The following KRTAP10-1 variants were observed in gnomAD, a reference collection of about 807,000 sequenced individuals.
KRTAP10-1 encodes keratin-associated protein 10-1.
For synonymous variants in KRTAP10-1, 155 were observed against 153.3 expected (o/e 1.01, Z -0.08); for missense variants, 364 against 369.2 (o/e 0.99, Z 0.12).
At position 44,539,012 on chromosome 21, in the gene KRTAP10-1, A is replaced by G; in HGVS notation, c.*290T>C. On this transcript the variant is annotated 3_prime_UTR_variant, in exon 1 of 1. Transcript: ENST00000400375. ...GACCAAGGAGAGTTTATTGGGGAGCAGGAGGAGGTGCTGAGAGGTTCAAGT... is the reference window on the plus strand; with the variant it reads ...GACCAAGGAGAGTTTATTGGGGAGCGGGAGGAGGTGCTGAGAGGTTCAAGT... 1.8e-6 allele frequency: 1 copy of G among 565,656 alleles called. No homozygotes were observed. The highest frequency in any genetic ancestry group is 3.1e-6 in the Non-Finnish European group (1 of 318,534). The allele number at this position is 565,656 out of a possible 1,614,324, so 35.0% of individuals were successfully genotyped here.
rs587620839 is a variant in KRTAP10-1, at chr21:44,539,225, C to T, written c.*77G>A. 6.2e-5 allele frequency: 96 copies of T among 1,559,522 alleles called. No homozygotes were observed. Among genetic ancestry groups the T allele is most frequent in the Non-Finnish European group, 7.9e-5 (91 of 1,157,902 alleles). ...GTCCTAGGTGGGGGAAGCCACCTAA[C>T]CCAGGTCAGGAACTGAGCCCAGCTG... On this transcript the variant is annotated 3_prime_UTR_variant, in exon 1 of 1. Coordinates refer to ENST00000400375, the MANE Select transcript of KRTAP10-1 (RefSeq NM_198691.3).
chr21:44,539,736 G>A lies in KRTAP10-1; in HGVS notation c.415C>T (p.Gln139Ter). Residue 139 changes from glutamine to a stop codon, truncating the protein, a stop_gained, in exon 1 of 1, where the codon CAG (glutamine) becomes TAG (stop). Coordinates refer to ENST00000400375, the MANE Select transcript of KRTAP10-1 (RefSeq NM_198691.3). LOFTEE classifies it low-confidence loss of function (END_TRUNC). Reference sequence around the variant, plus strand: ...CAGCAAACAGGCACACAGCAGGACTGCTGGCTGGAGGAAGAGGCACAGCAA... The same window carrying A: ...CAGCAAACAGGCACACAGCAGGACTACTGGCTGGAGGAAGAGGCACAGCAA... ...PTCCASSSSQ[Q>*]SCCVPVCCKP... 3 of 1,612,598 alleles carry A rather than the reference G, an allele frequency of 1.9e-6. No individual in the cohort carries two copies. Among genetic ancestry groups the A allele is most frequent in the Non-Finnish European group, 2.5e-6 (3 of 1,179,358 alleles).
chr21:44,539,679 C>G lies in KRTAP10-1; in HGVS notation c.472G>C (p.Glu158Gln). The G allele has an allele frequency of 6.3e-7, 1 of 1,589,214 alleles. No individual in the cohort carries two copies. Among genetic ancestry groups the G allele is most frequent in the East Asian group, 2.3e-5 (1 of 43,858 alleles). ...TGCTGGCAGCATGAAGAGGAATCCTCAGAGCAGGTGGGCACATAGCACACA... is the reference window on the plus strand; with the variant it reads ...TGCTGGCAGCATGAAGAGGAATCCTGAGAGCAGGTGGGCACATAGCACACA... ...KPVCYVPTCSEDSSSCCQQSS... is the reference protein window; with the variant it reads ...KPVCYVPTCSQDSSSCCQQSS... Residue 158 changes from glutamate to glutamine, a missense_variant, in exon 1 of 1, where the codon GAG becomes CAG. Physicochemically the swap from Glu to Gln is conservative, Grantham distance 29. Coordinates refer to ENST00000400375, the MANE Select transcript of KRTAP10-1 (RefSeq NM_198691.3).
In KRTAP10-1 at chr21:44,539,795, G is replaced by C. The variant is rs781952477; in HGVS notation, c.356C>G (p.Ser119Cys). The change falls in exon 1 of 1, where the codon TCT becomes TGT. Residue 119 changes from serine (S) to cysteine (C), a missense_variant. Coordinates refer to ENST00000400375, the MANE Select transcript of KRTAP10-1 (RefSeq NM_198691.3). ...GCAGCTAGACTGCTGGCAGCATGAA[G>C]AGGAATCCTTAGAGCAGGTGGGCAG... ...CCLPTCSKDS[S>C]SCCQQSSCQP... is the part of the protein sequence containing the mutation. 1.4e-5 allele frequency: 22 copies of C among 1,612,808 alleles called. No homozygotes were observed. Among genetic ancestry groups the C allele is most frequent in the Non-Finnish European group, 1.9e-5 (22 of 1,179,702 alleles).
In KRTAP10-1 at chr21:44,539,617, G is replaced by A. The variant is rs781927667; in HGVS notation, c.534C>T (p.Pro178=). The A allele has an allele frequency of 6.2e-7, 1 of 1,613,856 alleles. No individual in the cohort carries two copies. The highest frequency in any genetic ancestry group is 8.5e-7 in the Non-Finnish European group (1 of 1,179,928). ...CGGGCACGCAGCAGGCCTGCTGGCA[G>A]GGGGAGGAGGTGCAGCAAGCTGGAT... ...SCHPACCTSS[P]CQQACCVPVR... is the part of the protein sequence containing the mutation. The change falls in exon 1 of 1, where the codon CCC becomes CCT. Residue 178 remains proline, a synonymous_variant. Coordinates refer to ENST00000400375, the MANE Select transcript of KRTAP10-1 (RefSeq NM_198691.3).
rs587637882 is a variant in KRTAP10-1, at chr21:44,539,200, G to A, written c.*102C>T. 4.2e-5 allele frequency: 64 copies of A among 1,521,476 alleles called. 1 individual carries two copies. Among genetic ancestry groups the A allele is most frequent in the South Asian group, 2.7e-4 (21 of 79,070 alleles). 94.2% of individuals were successfully genotyped at this position (1,521,476 alleles called of 1,614,324 possible). ...CAGCACAGGGGAGACACGGGGACCC[G>A]TCCTAGGTGGGGGAAGCCACCTAAC... On this transcript the variant is annotated 3_prime_UTR_variant, in exon 1 of 1. Coordinates refer to ENST00000400375, the MANE Select transcript of KRTAP10-1 (RefSeq NM_198691.3).
rs368182044 is a variant in KRTAP10-1, at chr21:44,539,316, G to A, written c.835C>T (p.Arg279Cys). The change falls in exon 1 of 1, where the codon CGC becomes TGC. Residue 279 changes from arginine (R) to cysteine (C), a missense_variant. Transcript: ENST00000400375. The stretch of plus-strand genomic sequence containing the variant: ...GAGCAGAGGCCTCAGCAGGCCGGGC[G>A]GGAGCACGCGGGGCGGCAGAGGAGG... ...VSLLCRPACS[R>C]PAC The A allele has an allele frequency of 1.9e-5, 31 of 1,611,042 alleles. No homozygotes were observed. The East Asian group carries it at 3.3e-4, about 17-fold the overall frequency.
At position 44,540,155 on chromosome 21, in the gene KRTAP10-1, G is replaced by T; in HGVS notation, c.-5C>A. On this transcript the variant is annotated 5_prime_UTR_variant, in exon 1 of 1. Transcript: ENST00000400375. Reference sequence around the variant, plus strand: ...GGACATGGTGGACGCGGCCATGCTGGGGTGGGGAGGAGGTGAGCTGCGGGA... The same window carrying T: ...GGACATGGTGGACGCGGCCATGCTGTGGTGGGGAGGAGGTGAGCTGCGGGA... The T allele has an allele frequency of 6.2e-7, 1 of 1,611,722 alleles. No homozygotes were observed. Among genetic ancestry groups the T allele is most frequent in the Non-Finnish European group, 8.5e-7 (1 of 1,178,882 alleles).
rs1555917001 is a variant in KRTAP10-1, at chr21:44,539,954, G to A, written c.197C>T (p.Pro66Leu). Reference sequence around the variant, plus strand: ...GGAGCTGGTGCAGCCTGATTGGCAGGGGCTGGGCTCACAGGCTGCCTGGCA... The same window carrying A: ...GGAGCTGGTGCAGCCTGATTGGCAGAGGCTGGGCTCACAGGCTGCCTGGCA... ...PCCQAACEPSPCQSGCTSSCT... is the reference protein window; with the variant it reads ...PCCQAACEPSLCQSGCTSSCT... The change falls in exon 1 of 1, where the codon CCC (proline) becomes CTC (leucine). Residue 66 changes from proline to leucine, a missense_variant. Coordinates refer to ENST00000400375, the MANE Select transcript of KRTAP10-1 (RefSeq NM_198691.3). 2 of 1,613,546 alleles carry A rather than the reference G, an allele frequency of 1.2e-6. No homozygotes were observed. Among genetic ancestry groups the A allele is most frequent in the Non-Finnish European group, 1.7e-6 (2 of 1,179,954 alleles).
chr21:44,539,260 G>A lies in KRTAP10-1; in HGVS notation c.*42C>T, dbSNP rs201415795. The A allele has an allele frequency of 1.0e-4, 165 of 1,592,032 alleles. No individual in the cohort carries two copies. Among genetic ancestry groups the A allele is most frequent in the Admixed American group, 9.3e-4 (55 of 59,308 alleles). ...GAACTGAGCCCAGCTGGCCCAGGGCGGGTGCCCATCAGCAGCTGGACTCCT... is the reference window on the plus strand; with the variant it reads ...GAACTGAGCCCAGCTGGCCCAGGGCAGGTGCCCATCAGCAGCTGGACTCCT... On this transcript the variant is annotated 3_prime_UTR_variant, in exon 1 of 1. Coordinates refer to ENST00000400375, the MANE Select transcript of KRTAP10-1 (RefSeq NM_198691.3).
Position 44,539,183 on chromosome 21 carries a change from G to A in KRTAP10-1, c.*119C>T. ...AGGAGGGGGGGTCACCTCAGCACAG[G>A]GGAGACACGGGGACCCGTCCTAGGT... On this transcript the variant is annotated 3_prime_UTR_variant, in exon 1 of 1. Transcript: ENST00000400375. 1.4e-6 allele frequency: 2 copies of A among 1,471,534 alleles called. No individual in the cohort carries two copies. Among genetic ancestry groups the A allele is most frequent in the Non-Finnish European group, 1.8e-6 (2 of 1,111,396 alleles). The allele number at this position is 1,471,534 out of a possible 1,614,324, so 91.2% of individuals were successfully genotyped here.
rs1489345438 is a variant in KRTAP10-1, at chr21:44,539,877, A to C, written c.274T>G (p.Ser92Ala). The change falls in exon 1 of 1, where the codon TCC becomes GCC. Residue 92 changes from serine to alanine, a missense_variant. Transcript: ENST00000400375. The part of the protein sequence containing the change: ...QSSCQPACCT[S>A]SPCQQACCVP... ...CAGCAGGCCTGCTGGCAGGGGGAGG[A>C]GGTGCAGCAAGCCGGCTGGCAGCTA... 6.4e-7 allele frequency: 1 copy of C among 1,573,912 alleles called. No homozygotes were observed. Among genetic ancestry groups the C allele is most frequent in the Non-Finnish European group, 8.6e-7 (1 of 1,158,282 alleles).
At position 44,540,191 on chromosome 21, in the gene KRTAP10-1, A is replaced by T; in HGVS notation, c.-41T>A. 1 of 1,597,726 alleles carries T rather than the reference A, an allele frequency of 6.3e-7. No individual in the cohort carries two copies. Among genetic ancestry groups the T allele is most frequent in the Non-Finnish European group, 8.5e-7 (1 of 1,172,342 alleles). ...AGGTGAGCTGCGGGAGGTGTGAGTG[A>T]GTGAGTGTGGGAGTCAGTGTGTGTG... On this transcript the variant is annotated 5_prime_UTR_variant, in exon 1 of 1. Transcript: ENST00000400375.
Position 44,540,108 on chromosome 21 carries a change from C to A in KRTAP10-1, c.43G>T (p.Asp15Tyr), listed in dbSNP as rs782454723. The A allele has an allele frequency of 6.2e-7, 1 of 1,613,672 alleles. No individual in the cohort carries two copies. Among genetic ancestry groups the A allele is most frequent in the Non-Finnish European group, 8.5e-7 (1 of 1,179,914 alleles). ...GGGCAGGCATCCACCTGCCAGGAGT[C>A]GGAGCAAGCGCTGGAGCAGACGGAC... is the stretch of plus-strand genomic sequence containing the variant. ...TMSVCSSACSDSWQVDACPES... is the reference protein window; with the variant it reads ...TMSVCSSACSYSWQVDACPES... The change falls in exon 1 of 1, where the codon GAC (aspartate) becomes TAC (tyrosine). Residue 15 changes from aspartate (D) to tyrosine (Y), a missense_variant. Transcript: ENST00000400375.
rs587694965 is a variant in KRTAP10-1 at position 44,539,211 on chromosome 21, G to A, written c.*91C>T. ...AGACACGGGGACCCGTCCTAGGTGG[G>A]GGAAGCCACCTAACCCAGGTCAGGA... On this transcript the variant is annotated 3_prime_UTR_variant, in exon 1 of 1. Transcript: ENST00000400375. The A allele has an allele frequency of 1.7e-5, 26 of 1,537,884 alleles. 2 individuals are homozygous for A. The African/African-American group carries it at 3.4e-4, about 20-fold the overall frequency.
chr21:44,539,168 G>A lies in KRTAP10-1; in HGVS notation c.*134C>T. 1 of 1,413,410 alleles carries A rather than the reference G, an allele frequency of 7.1e-7. No homozygotes were observed. Among genetic ancestry groups the A allele is most frequent in the South Asian group, 1.4e-5 (1 of 69,300 alleles). The allele number at this position is 1,413,410 out of a possible 1,614,324, so 87.6% of individuals were successfully genotyped here. ...AGGCTCCTGGGAGCAAGGAGGGGGG[G>A]TCACCTCAGCACAGGGGAGACACGG... On this transcript the variant is annotated 3_prime_UTR_variant, in exon 1 of 1. Coordinates refer to ENST00000400375, the MANE Select transcript of KRTAP10-1 (RefSeq NM_198691.3).
rs376779238 is a variant in KRTAP10-1 at position 44,540,015 on chromosome 21, C to A, written c.136G>T (p.Val46Phe). 1.3e-5 allele frequency: 21 copies of A among 1,612,878 alleles called. No homozygotes were observed. The highest frequency in any genetic ancestry group is 1.8e-5 in the Non-Finnish European group (21 of 1,179,756). Reference protein sequence around the residue: ...CCAPAPCLTLVCTPVSRVSSP... With the variant: ...CCAPAPCLTLFCTPVSRVSSP... ...GACACACGGCTCACTGGGGTGCAGACCAGGGTCAGGCAGGGGGCCGGGGCG... is the reference window on the plus strand; with the variant it reads ...GACACACGGCTCACTGGGGTGCAGAACAGGGTCAGGCAGGGGGCCGGGGCG... The change falls in exon 1 of 1, where the codon GTC (valine) becomes TTC (phenylalanine). Residue 46 changes from valine to phenylalanine, a missense_variant. Coordinates refer to ENST00000400375, the MANE Select transcript of KRTAP10-1 (RefSeq NM_198691.3).
chr21:44,539,739 G>A lies in KRTAP10-1; in HGVS notation c.412C>T (p.Gln138Ter). 20 of 1,612,462 alleles carry A rather than the reference G, an allele frequency of 1.2e-5. No individual in the cohort carries two copies. Among genetic ancestry groups the A allele is most frequent in the Non-Finnish European group, 1.6e-5 (19 of 1,179,332 alleles). ...CAAACAGGCACACAGCAGGACTGCT[G>A]GCTGGAGGAAGAGGCACAGCAAGTT... ...QPTCCASSSS[Q>*]QSCCVPVCCK... Residue 138 changes from glutamine to a stop codon, truncating the protein, a stop_gained, in exon 1 of 1, where the codon CAG becomes TAG. Transcript: ENST00000400375. LOFTEE classifies it low-confidence loss of function (END_TRUNC).
Position 44,539,996 on chromosome 21 carries a change from C to T in KRTAP10-1, c.155G>A (p.Arg52His), listed in dbSNP as rs373798152. ...CLTLVCTPVS[R>H]VSSPCCQAAC... ...TGCCTGGCAGCAGGGGCTGGACACA[C>T]GGCTCACTGGGGTGCAGACCAGGGT... is the stretch of plus-strand genomic sequence containing the variant. Residue 52 changes from arginine to histidine, a missense_variant, in exon 1 of 1, where the codon CGT (arginine) becomes CAT (histidine). Arg to His is a conservative substitution (Grantham distance 29). Coordinates refer to ENST00000400375, the MANE Select transcript of KRTAP10-1 (RefSeq NM_198691.3). The T allele has an allele frequency of 3.3e-5, 54 of 1,613,224 alleles. No individual in the cohort carries two copies. The highest frequency in any genetic ancestry group is 1.6e-4 in the East Asian group (7 of 44,858).
Sources: gnomAD v4.1 joint callset for allele counts on GRCh38, gnomAD v4.1.1 for gene constraint, MANE v1.5 for transcripts, NCBI Gene and HGNC (gene_info 2026-07-23, HGNC 2026-07-21) for gene names.